EXOC4: variants seen among roughly 807,000 people sequenced by gnomAD.
EXOC4 encodes exocyst complex component 4, also known as SEC8-like 1.
A neutral mutation model predicts 107.2 loss-of-function variants in EXOC4; 71 were observed. The ratio of observed to expected loss-of-function variants is 0.66; its 90% CI spans 0.55 to 0.81. The LOEUF (loss-of-function observed/expected upper bound fraction) is 0.81. Among genes scored for constraint, EXOC4 ranks in the 30% least tolerant of loss-of-function variants. The pLI is 0.00. For synonymous variants in EXOC4, 456 were observed against 441.2 expected, an observed-to-expected ratio of 1.03 and a Z score of -0.42; for missense variants, 1,108 against 1,189.6, an observed-to-expected ratio of 0.93 and a Z score of 1.01.
chr7:133,412,940 G>A (rs1365396938), intron 7 of EXOC4, among the ~76,000 whole-genome samples: 1 of 152,062 alleles, frequency 6.6e-6, no homozygotes, highest in Non-Finnish European at 1.5e-5. Flanking sequence ...GGTGCTGAAG[G>A]CATTGCTGGT....
chr7:133,414,363 C>G (rs1797427393), intron 7 of EXOC4, among the ~76,000 whole-genome samples: 1 of 152,144 alleles, frequency 6.6e-6, no homozygotes, highest in South Asian at 2.1e-4. Flanking sequence ...TTGTATATTA[C>G]TGATGAGAAT....
chr7:133,431,374 A>G (rs1797853579), intron 7 of EXOC4, among the ~76,000 whole-genome samples: 1 of 152,232 alleles, frequency 6.6e-6, no homozygotes, highest in Admixed American at 6.5e-5. Context: ...CAGGGAAGAT[A>G]AATTACAGTT....
intron 9 of EXOC4, among the ~76,000 whole-genome samples, chr7:133,508,389 G>A (rs529088599): frequency 6.6e-6 from 1 of 152,180 alleles, no homozygotes; most frequent in South Asian, 2.1e-4. Context: ...GCTGATGGAG[G>A]GACCACACTT....
chr7:134,048,829 T>C (rs180848333), intron 17 of EXOC4, among the ~76,000 whole-genome samples: 12 of 152,234 alleles, frequency 7.9e-5, no homozygotes, highest in African/African-American at 2.9e-4. Context: ...GATGTGGAGT[T>C]GTGAGGAAAC....
At chr7:133,382,246 GAGA>G (rs1324828391) in intron 7 of EXOC4, among the ~76,000 whole-genome samples, 2 of 152,164 alleles carry the variant, frequency 1.3e-5, no homozygotes, top group Non-Finnish European at 1.5e-5. Flanking sequence ...ACAAAGAAGG[GAGA>G]AGAAGATTTC....
intron 17 of EXOC4, among the ~76,000 whole-genome samples, chr7:134,055,809 G>C (rs569988445): frequency 1.3e-5 from 2 of 151,998 alleles, no homozygotes; most frequent in Admixed American, 6.6e-5. Context: ...GGGTATTTTT[G>C]GTCTGAGCCT....
At chr7:133,342,568 C>T (rs1795687441) in intron 5 of EXOC4, among the ~76,000 whole-genome samples, 1 of 152,176 alleles carries the variant, frequency 6.6e-6, no homozygotes, top group African/African-American at 2.4e-5. Flanking sequence ...ATGTCTAGAT[C>T]TCTAGCAAGG....
chr7:133,337,483 A>G (rs1795544757), intron 5 of EXOC4, among the ~76,000 whole-genome samples: 1 of 152,026 alleles, frequency 6.6e-6, no homozygotes, highest in African/African-American at 2.4e-5. Context: ...AGTGAGATGT[A>G]ATTAACATCT....
At chr7:133,541,156 T>C (rs1193084146) in intron 9 of EXOC4, among the ~76,000 whole-genome samples, 1 of 152,236 alleles carries the variant, frequency 6.6e-6, no homozygotes, top group African/African-American at 2.4e-5. Context: ...CTTTTTCATA[T>C]TGAAAATGGT....
intron 14 of EXOC4, among the ~76,000 whole-genome samples, chr7:133,945,142 G>A (rs1352066364): frequency 6.6e-6 from 1 of 152,104 alleles, no homozygotes; most frequent in Non-Finnish European, 1.5e-5. Flanking sequence ...TTGTTCCTAG[G>A]TATGACATGG....
At chr7:133,842,534 T>C (rs1460794360) in intron 11 of EXOC4, among the ~76,000 whole-genome samples, 2 of 152,240 alleles carry the variant, frequency 1.3e-5, no homozygotes, top group African/African-American at 2.4e-5. Context: ...TCCTAATAGA[T>C]GCTAGATATT....
At chr7:133,616,805 A>G (rs1170558793) in intron 9 of EXOC4, among the ~76,000 whole-genome samples, 1 of 152,196 alleles carries the variant, frequency 6.6e-6, no homozygotes, top group Admixed American at 6.6e-5. Flanking sequence ...ATCAACGATT[A>G]TAATTGGACT....
intron 7 of EXOC4, among the ~76,000 whole-genome samples, chr7:133,455,591 T>C (rs1286600759): frequency 1.3e-5 from 2 of 152,250 alleles, no homozygotes; most frequent in Non-Finnish European, 2.9e-5. Context: ...TAGAGAGTTC[T>C]AGGCTTCTTT....
chr7:133,878,529 T>C (rs1798897469), intron 11 of EXOC4, among the ~76,000 whole-genome samples: 3 of 152,242 alleles, frequency 2.0e-5, no homozygotes, highest in African/African-American at 7.2e-5. Context: ...ATCTCATCCA[T>C]AGACCTGTAA....
chr7:134,040,547 T>G (rs1795491166), intron 17 of EXOC4, among the ~76,000 whole-genome samples: 1 of 152,114 alleles, frequency 6.6e-6, no homozygotes, highest in African/African-American at 2.4e-5. Context: ...ACTTGAAACC[T>G]CCATAATGAA....
chr7:133,444,223 G>A (rs915834333), intron 7 of EXOC4, among the ~76,000 whole-genome samples: 2 of 152,212 alleles, frequency 1.3e-5, no homozygotes, highest in African/African-American at 2.4e-5. Context: ...CTGAATGAGA[G>A]CCAGCAGAAT....
At chr7:133,438,905 T>A (rs1218694703) in intron 7 of EXOC4, among the ~76,000 whole-genome samples, 3 of 152,174 alleles carry the variant, frequency 2.0e-5, no homozygotes, top group Non-Finnish European at 2.9e-5. Flanking sequence ...TGACAGTAGG[T>A]CAGTTCATTA....
At chr7:133,957,378 A>G (rs1037080671) in intron 14 of EXOC4, among the ~76,000 whole-genome samples, 51 of 152,238 alleles carry the variant, frequency 3.4e-4, no homozygotes, top group African/African-American at 1.2e-3. Context: ...GTAAATATAC[A>G]TTAATTAAAA....
At chr7:133,896,839 A>T (rs867157719) in intron 12 of EXOC4, among the ~76,000 whole-genome samples, 967 of 77,374 alleles carry the variant, frequency 0.012, 66 homozygotes, top group African/African-American at 0.043. Flanking sequence ...CTATTTTTGT[A>T]TTTTTAGTAG....
Sources: gnomAD v4.1 joint callset for allele counts (sites outside exome capture counted in the v4.1 genomes callset) on GRCh38, gnomAD v4.1.1 for gene constraint, MANE v1.5 for transcripts, NCBI Gene and HGNC (gene_info 2026-07-23, HGNC 2026-07-21) for gene names.